GNL2: variants seen among roughly 807,000 people sequenced by gnomAD.
The protein encoded by GNL2 is nucleolar GTP-binding protein 2.
A neutral mutation model predicts 92.3 loss-of-function variants in GNL2; 51 were observed. That is an observed-to-expected ratio of 0.55 (90% CI 0.44 to 0.70). GNL2 has a LOEUF of 0.70. GNL2 is among the 30% of genes least tolerant of loss of function. GNL2 has a pLI of 0.00. For synonymous variants in GNL2, 283 were observed against 300.6 expected (o/e 0.94, Z 0.61); for missense variants, 844 against 895.6 (o/e 0.94, Z 0.74).
chr1:37,582,929 T>C lies in GNL2; in HGVS notation c.644A>G (p.Asp215Gly), dbSNP rs747207827. The C allele has an allele frequency of 1.2e-6, 2 of 1,609,992 alleles. No homozygotes were observed. The highest frequency in any genetic ancestry group is 1.7e-6 in the Non-Finnish European group (2 of 1,177,980). Residue 215 changes from aspartate to glycine, a missense_variant, in exon 7 of 16, where the codon GAT (aspartate) becomes GGT (glycine). Coordinates refer to ENST00000373062, the MANE Select transcript of GNL2 (RefSeq NM_013285.3). ...AACTTGAACTACAACATCTGATGAA[T>C]CTATCACCTGAAAATTCAGAAAGGC... ...RIWGELYKVI[D>G]SSDVVVQVLD...
rs1488115754 is a variant in GNL2 at position 37,591,657 on chromosome 1, C to G, written c.245-812G>C. Among the ~76,000 whole-genome samples, 3 of 152,126 alleles carry G rather than the reference C, an allele frequency of 2.0e-5. No homozygotes were observed. The East Asian group carries it at 5.8e-4, about 29-fold the overall frequency. ...AGTAGCTGGGATTACAGGTGCCCAC[C>G]ACAACACCTGGCTAATTTTTGTATA... On this transcript the variant is annotated intron_variant, in intron 3 of 15. Coordinates refer to ENST00000373062, the MANE Select transcript of GNL2 (RefSeq NM_013285.3).
rs115369848 is a variant in GNL2, at chr1:37,575,622, G to A, written c.1116C>T (p.Ser372=). The A allele has an allele frequency of 0.013, 20,356 of 1,591,382 alleles. 176 individuals carry two copies. Among genetic ancestry groups the A allele is most frequent in the Non-Finnish European group, 0.015 (17,638 of 1,171,630 alleles). Residue 372 remains serine (S), a synonymous_variant, in exon 10 of 16, where the codon TCC becomes TCT. Transcript: ENST00000373062. The surrounding 1 kb of genome is among the most constrained non-coding windows in gnomAD (Gnocchi z 4.1). The stretch of plus-strand genomic sequence containing the variant: ...CTCCTTTTAGCACAATGTCTGTCTC[G>A]GAGTCCTCAGAGGGGTAAACCACAC... ...CPGVVYPSED[S]ETDIVLKGVV...
chr1:37,578,186 C>T (rs1313065532), intron 8 of GNL2, among the ~76,000 whole-genome samples: 1 of 152,182 alleles, frequency 6.6e-6, no homozygotes, highest in Non-Finnish European at 1.5e-5. Context: ...TGCCTGTAAT[C>T]CCAGAACTCT....
intron 5 of GNL2, among the ~76,000 whole-genome samples, chr1:37,585,465 A>C (rs1643837283): frequency 6.6e-6 from 1 of 152,168 alleles, no homozygotes; most frequent in African/African-American, 2.4e-5. Context: ...AATTGGCAGG[A>C]CCTGAATCAC....
At position 37,568,329 on chromosome 1, in the gene GNL2, A is replaced by G. The variant is rs148472157; in HGVS notation, c.1897T>C (p.Phe633Leu). The G allele has an allele frequency of 6.3e-5, 102 of 1,609,780 alleles. No individual in the cohort carries two copies. In the African/African-American group the frequency reaches 1.2e-3, roughly 19 times the overall value. Residue 633 changes from phenylalanine to leucine, a missense_variant, in exon 14 of 16, where the codon TTT (phenylalanine) becomes CTT (leucine). Phe to Leu is a conservative substitution (Grantham distance 22, BLOSUM62 0). Transcript: ENST00000373062. The stretch of plus-strand genomic sequence containing the variant: ...TTTCTTTGTTCTTCAGGTTTTGCAA[A>G]TATCTTTTCACTCAGTCCCTTGGAT... ...RISKGLSEKI[F>L]AKPEEQRKTL...
intron 1 of GNL2, among the ~76,000 whole-genome samples, chr1:37,594,729 G>A (rs1178588148): frequency 6.6e-6 from 1 of 152,142 alleles, no homozygotes; most frequent in Non-Finnish European, 1.5e-5. Flanking sequence ...TTTGTAGAGA[G>A]GGGGTTTCAT....
rs140122153 is a variant in GNL2 at position 37,576,455 on chromosome 1, G to A, written c.1011C>T (p.Asn337=). The change falls in exon 9 of 16, where the codon AAC becomes AAT. Residue 337 remains asparagine, a synonymous_variant. Transcript: ENST00000373062. ...TTGTTTCACCTGCAATGGGAGCCAC[G>A]TTGCAAACTTTCTTAGAACGCAATG... ...INTLRSKKVC[N]VAPIAGETKV... is the part of the protein sequence containing the mutation. 29 of 1,613,766 alleles carry A rather than the reference G, an allele frequency of 1.8e-5. No individual in the cohort carries two copies. Among genetic ancestry groups the A allele is most frequent in the Middle Eastern group, 1.6e-4 (1 of 6,062 alleles).
intron 1 of GNL2, chr1:37,594,072 G>T: frequency 3.9e-6 from 2 of 510,128 alleles, no homozygotes; most frequent in East Asian, 6.6e-5. Flanking sequence ...TATTTGAGAA[G>T]AATAGCTAAT....
chr1:37,591,504 CTTTTTTTTT>C (rs34721968), intron 3 of GNL2, among the ~76,000 whole-genome samples: 1 of 135,032 alleles, frequency 7.4e-6, no homozygotes, highest in African/African-American at 2.8e-5. Context: ...TATATTTACT[CTTTTTTTTT>C]TTTTTTTTTT....
intron 3 of GNL2, 149 bp downstream of exon 3, chr1:37,592,563 T>C (rs1643893982): frequency 1.7e-6 from 1 of 584,616 alleles, no homozygotes; most frequent in Non-Finnish European, 3.1e-6. Flanking sequence ...CCACCACTAC[T>C]TTTCCCAGTA....
At chr1:37,568,709 G>C in intron 13 of GNL2, 142 bp downstream of exon 13, 1 of 697,960 alleles carries the variant, frequency 1.4e-6, no homozygotes, top group Non-Finnish European at 2.5e-6. Flanking sequence ...GCGAGACGCC[G>C]TCTCAAAAAA....
intron 9 of GNL2, 137 bp downstream of exon 9, chr1:37,576,291 A>G: frequency 1.3e-6 from 1 of 765,076 alleles, no homozygotes; most frequent in South Asian, 1.8e-5. Flanking sequence ...GATACGTTCC[A>G]AACTATTATA....
In GNL2 at chr1:37,569,288, T is replaced by C; in HGVS notation, c.1431A>G (p.Ser477=). The C allele has an allele frequency of 1.9e-6, 3 of 1,609,966 alleles. No individual in the cohort carries two copies. The highest frequency in any genetic ancestry group is 2.5e-6 in the Non-Finnish European group (3 of 1,179,060). ...CTGCTTCTGGGACAACTTCCAAAGA[T>C]GAGGAGGGTAGAAGCTATTAAGGGG... ...PLVAPQLLPS[S]SLEVVPEAAQ... The change falls in exon 13 of 16, where the codon TCA becomes TCG. Residue 477 remains serine (S), a synonymous_variant. Coordinates refer to ENST00000373062, the MANE Select transcript of GNL2 (RefSeq NM_013285.3).
At chr1:37,582,692 C>T (rs911755128) in intron 7 of GNL2, 86 bp downstream of exon 7, 6 of 1,108,988 alleles carry the variant, frequency 5.4e-6, no homozygotes, top group East Asian at 2.4e-5. Context: ...CAATCTCAGC[C>T]GGACAACACT....
Position 37,595,920 on chromosome 1 carries a change from A to G in GNL2, c.-98T>C. 3.2e-6 allele frequency: 3 copies of G among 931,076 alleles called. No homozygotes were observed. Among genetic ancestry groups the G allele is most frequent in the East Asian group, 5.0e-5 (2 of 39,848 alleles). 57.7% of individuals were successfully genotyped at this position (931,076 alleles called of 1,614,324 possible). On this transcript the variant is annotated 5_prime_UTR_variant, in exon 1 of 16. Transcript: ENST00000373062. ...CCGGCCGAAGACACCCGCCTGAACC[A>G]CGCCGGACCACGTGTGCACGACGTA...
intron 15 of GNL2, 106 bp from the exon 16 acceptor site, chr1:37,567,113 G>T: frequency 8.4e-7 from 1 of 1,192,514 alleles, no homozygotes; most frequent in Non-Finnish European, 1.2e-6. Flanking sequence ...TATTTCCCGT[G>T]CTGCTTCCAC....
intron 1 of GNL2, 30 bp from the exon 2 acceptor site, chr1:37,593,876 A>AT: frequency 6.7e-7 from 1 of 1,502,034 alleles, no homozygotes; most frequent in Non-Finnish European, 9.2e-7. Flanking sequence ...ACAGTGCACT[A>AT]TTTGATAACC....
rs1166331788 is a variant in GNL2, at chr1:37,569,165, AG to A, written c.1553del (p.Ala518ValfsTer94). 2 of 1,613,984 alleles carry A rather than the reference AG, an allele frequency of 1.2e-6. No homozygotes were observed. The highest frequency in any genetic ancestry group is 2.7e-5 in the African/African-American group (2 of 74,918). ...TGAGAATCTGCTGCATCTCTGTGTT[AG>A]CATCACAGTGACTGTTCTCTTCTGT... ...EETEENSHCD[A>X]NTEMQQILTR... On this transcript the variant is annotated frameshift_variant, in exon 13 of 16. Coordinates refer to ENST00000373062, the MANE Select transcript of GNL2 (RefSeq NM_013285.3). LOFTEE classifies it high-confidence loss of function.
At chr1:37,592,386 A>C (rs989838393) in intron 3 of GNL2, among the ~76,000 whole-genome samples, 4 of 152,222 alleles carry the variant, frequency 2.6e-5, no homozygotes, top group African/African-American at 9.6e-5. Context: ...AAAACCTACA[A>C]GGCCACCTCT....
Sources: allele counts gnomAD v4.1 joint callset (sites outside exome capture counted in the v4.1 genomes callset), GRCh38; gene constraint gnomAD v4.1.1; non-coding constraint Gnocchi (gnomAD v3.1); transcripts MANE v1.5; gene names NCBI Gene and HGNC (gene_info 2026-07-23, HGNC 2026-07-21).